The following DLG2 variants were observed in gnomAD, a reference collection of about 807,000 sequenced individuals.
The protein encoded by DLG2 is disks large homolog 2.
In DLG2, 45 loss-of-function variants were observed where a neutral mutation model predicts 132.5. That is an observed-to-expected ratio of 0.34 (90% CI 0.27 to 0.44). The LOEUF is 0.44. Among genes scored for constraint, DLG2 ranks in the 20% least tolerant of loss-of-function variants. The pLI, the probability that DLG2 is intolerant of heterozygous loss-of-function variation, is 1.00. For missense variants in DLG2, 1,045 were observed against 1,196.9 expected (o/e 0.87, Z 1.87); for synonymous variants, 424 against 419.6 (o/e 1.01, Z -0.13).
intron 6 of DLG2, among the ~76,000 whole-genome samples, chr11:85,097,014 C>T (rs952005289): frequency 2.6e-5 from 4 of 152,098 alleles, no homozygotes; most frequent in East Asian, 1.9e-4. Flanking sequence ...ATTGACCCTG[C>T]GGCCATGAGC....
At chr11:84,856,024 G>A (rs1348823270) in intron 6 of DLG2, among the ~76,000 whole-genome samples, 1 of 152,026 alleles carries the variant, frequency 6.6e-6, no homozygotes, top group East Asian at 1.9e-4. Flanking sequence ...CCCTGAAATG[G>A]TCACAGAGGG....
intron 4 of DLG2, among the ~76,000 whole-genome samples, chr11:85,225,497 G>A (rs1396423749): frequency 6.6e-6 from 1 of 151,984 alleles, no homozygotes; most frequent in Non-Finnish European, 1.5e-5. Flanking sequence ...CAGGGAAAGA[G>A]GTAGCTATCC....
chr11:83,673,125 G>A (rs1005767823), intron 18 of DLG2, among the ~76,000 whole-genome samples: 18 of 152,168 alleles, frequency 1.2e-4, no homozygotes, highest in African/African-American at 4.3e-4. Context: ...ATTTTAGTAA[G>A]AAATGAGGCA....
At chr11:83,928,601 T>C (rs2079470185) in intron 15 of DLG2, among the ~76,000 whole-genome samples, 1 of 151,916 alleles carries the variant, frequency 6.6e-6, no homozygotes, top group Non-Finnish European at 1.5e-5. Flanking sequence ...TGGGGGGAAA[T>C]TTTTTTCCAG....
intron 7 of DLG2, among the ~76,000 whole-genome samples, chr11:84,511,098 GATAATA>G (rs1362963046): frequency 1.3e-5 from 2 of 152,106 alleles, no homozygotes; most frequent in African/African-American, 2.4e-5. Context: ...GAGAAAAATA[GATAATA>G]ATAATATATA....
chr11:84,070,208 A>G (rs938376766), intron 10 of DLG2, among the ~76,000 whole-genome samples: 1 of 152,240 alleles, frequency 6.6e-6, no homozygotes, highest in African/African-American at 2.4e-5. Flanking sequence ...AGAAAAAATT[A>G]GCATCATTGT....
At chr11:83,693,926 A>G (rs2081425897) in intron 18 of DLG2, 1 of 152,174 alleles carries the variant, frequency 6.6e-6, no homozygotes, top group South Asian at 2.1e-4. Context: ...TCTTTCTCAC[A>G]GAGGAGTGCT....
At chr11:85,537,770 T>G (rs1242021986) in intron 3 of DLG2, among the ~76,000 whole-genome samples, 1 of 151,888 alleles carries the variant, frequency 6.6e-6, no homozygotes, top group Non-Finnish European at 1.5e-5. Context: ...GAAGAAACTC[T>G]GGACACATCT....
chr11:85,596,077 A>AC (rs2153233273), intron 3 of DLG2, among the ~76,000 whole-genome samples: 1 of 152,168 alleles, frequency 6.6e-6, no homozygotes, highest in Non-Finnish European at 1.5e-5. Context: ...ACATAGCGAG[A>AC]CCCCATCGCT....
At chr11:84,143,694 C>A (rs1382969568) in intron 9 of DLG2, among the ~76,000 whole-genome samples, 2 of 152,136 alleles carry the variant, frequency 1.3e-5, no homozygotes, top group Admixed American at 1.3e-4. Context: ...TAATGTACAT[C>A]TCTGTGTAAC....
At chr11:85,473,228 A>T (rs2093040975) in intron 3 of DLG2, among the ~76,000 whole-genome samples, 1 of 152,366 alleles carries the variant, frequency 6.6e-6, no homozygotes, top group Non-Finnish European at 1.5e-5. Flanking sequence ...TGCTGGGCTG[A>T]GTGGGCGGAG....
intron 17 of DLG2, among the ~76,000 whole-genome samples, chr11:83,806,649 T>C (rs2045987816): frequency 6.6e-6 from 1 of 152,186 alleles, no homozygotes; most frequent in Admixed American, 6.5e-5. Flanking sequence ...GTTTCAGGCT[T>C]CTTGTTTTCC....
chr11:83,592,866 T>C (rs1439655200), intron 19 of DLG2, among the ~76,000 whole-genome samples: 1 of 149,532 alleles, frequency 6.7e-6, no homozygotes, highest in Non-Finnish European at 1.5e-5. Flanking sequence ...AAGAAGACAT[T>C]TATGCAGCCA....
At chr11:83,757,173 G>A (rs927865956) in intron 18 of DLG2, among the ~76,000 whole-genome samples, 2 of 152,264 alleles carry the variant, frequency 1.3e-5, no homozygotes, top group East Asian at 3.9e-4. Flanking sequence ...AGAAAAATGA[G>A]GCTCAGAAAG....
intron 6 of DLG2, among the ~76,000 whole-genome samples, chr11:84,612,335 T>C (rs2099596923): frequency 6.6e-6 from 1 of 152,104 alleles, no homozygotes; most frequent in Non-Finnish European, 1.5e-5. Context: ...CCTGTTGATA[T>C]ATATTTGGGT....
intron 17 of DLG2, among the ~76,000 whole-genome samples, chr11:83,816,444 A>G (rs887507220): frequency 2.6e-5 from 4 of 152,082 alleles, no homozygotes; most frequent in Non-Finnish European, 1.5e-5. Context: ...TTGTGTCAAT[A>G]TTTTGCTACC....
At chr11:85,148,211 C>T (rs1266295771) in intron 5 of DLG2, among the ~76,000 whole-genome samples, 2 of 152,160 alleles carry the variant, frequency 1.3e-5, no homozygotes, top group African/African-American at 4.8e-5. Context: ...CTGCAATAAA[C>T]ATACATGTGC....
chr11:83,959,697 A>G (rs2087960825), intron 14 of DLG2, among the ~76,000 whole-genome samples: 1 of 152,104 alleles, frequency 6.6e-6, no homozygotes, highest in African/African-American at 2.4e-5. Context: ...TTATCTAGGT[A>G]GTAAGTGGTA....
chr11:84,624,924 C>G (rs1025715179), intron 6 of DLG2, among the ~76,000 whole-genome samples: 1 of 129,820 alleles, frequency 7.7e-6, no homozygotes, highest in African/African-American at 3.3e-5. Context: ...GTGGCGGGAT[C>G]TCAGCTCACT....
Sources: gnomAD v4.1 joint callset for allele counts (sites outside exome capture counted in the v4.1 genomes callset) on GRCh38, gnomAD v4.1.1 for gene constraint, MANE v1.5 for transcripts, NCBI Gene and HGNC (gene_info 2026-07-23, HGNC 2026-07-21) for gene names.